The following CAB39L variants were observed in gnomAD, a reference collection of about 807,000 sequenced individuals.
CAB39L encodes calcium-binding protein 39-like.
A neutral mutation model predicts 39.1 loss-of-function variants in CAB39L; 23 were observed. The observed-to-expected ratio is 0.59, with a 90% CI of 0.42 to 0.83. The LOEUF (loss-of-function observed/expected upper bound fraction) is 0.83, where lower values mean the gene tolerates loss of function less well. CAB39L is among the 40% of genes least tolerant of loss of function. The probability of loss-of-function intolerance (pLI) is 0.00; values close to 1 mark genes in which losing one functional copy is unlikely to be tolerated. For synonymous variants in CAB39L, 126 were observed against 137.2 expected, an observed-to-expected ratio of 0.92 and a Z score of 0.57; for missense variants, 366 against 391.9, an observed-to-expected ratio of 0.93 and a Z score of 0.56.
At chr13:49,392,138 GTATT>G (rs796515172) in intron 3 of CAB39L, among the ~76,000 whole-genome samples, 4 of 152,088 alleles carry the variant, frequency 2.6e-5, no homozygotes, top group African/African-American at 9.6e-5. Context: ...TTTAATATAT[GTATT>G]TAGTTGTCAT....
rs554043920 is a variant in CAB39L at position 49,316,972 on chromosome 13, G to T, written c.835-5979C>A. On this transcript the variant is annotated intron_variant, in intron 10 of 10. Transcript: ENST00000409308. Reference sequence around the variant, plus strand: ...CACCAAGGACCTCTGGCAACCACCAGAAGCTGGGAGAGAAGCAAGGAAGAT... The same window carrying T: ...CACCAAGGACCTCTGGCAACCACCATAAGCTGGGAGAGAAGCAAGGAAGAT... 1.2e-4 allele frequency among the ~76,000 whole-genome samples: 19 copies of T among 152,294 alleles called. 1 individual carries two copies. The South Asian group carries it at 2.9e-3, about 23-fold the overall frequency.
In CAB39L at chr13:49,309,038, A is replaced by G. The variant is rs898280134; in HGVS notation, c.*1776T>C. 5.3e-5 allele frequency: 8 copies of G among 152,284 alleles called. No individual in the cohort carries two copies. Among genetic ancestry groups the G allele is most frequent in the South Asian group, 2.1e-4 (1 of 4,810 alleles). The allele number at this position is 152,284 out of a possible 1,614,324, so 9.4% of individuals were successfully genotyped here. Reference sequence around the variant, plus strand: ...TATTAAGTAACCAAATACAATTCCAATGGTTATTTCACCTTCATTTTTTAT... The same window carrying G: ...TATTAAGTAACCAAATACAATTCCAGTGGTTATTTCACCTTCATTTTTTAT... On this transcript the variant is annotated 3_prime_UTR_variant, in exon 11 of 11. Transcript: ENST00000409308.
chr13:49,398,657 A>G (rs1027352651), intron 3 of CAB39L, among the ~76,000 whole-genome samples: 2 of 152,094 alleles, frequency 1.3e-5, no homozygotes, highest in Admixed American at 6.5e-5. Flanking sequence ...TGTATTGTTT[A>G]TTTCATTATT....
intron 3 of CAB39L, among the ~76,000 whole-genome samples, chr13:49,407,845 T>C (rs941802035): frequency 2.7e-5 from 3 of 109,118 alleles, no homozygotes; most frequent in Non-Finnish European, 5.4e-5. Flanking sequence ...CTGAGCAACA[T>C]AGCAAGACCC....
At chr13:49,429,559 C>T (rs1957288874) in intron 3 of CAB39L, among the ~76,000 whole-genome samples, 1 of 151,944 alleles carries the variant, frequency 6.6e-6, no homozygotes, top group African/African-American at 2.4e-5. Context: ...GAAAAAATAC[C>T]ACAAATTGGC....
At chr13:49,346,774 G>C (rs566182811) in intron 7 of CAB39L, among the ~76,000 whole-genome samples, 5 of 152,230 alleles carry the variant, frequency 3.3e-5, no homozygotes, top group Admixed American at 1.3e-4. Context: ...AAACTCAAAG[G>C]TTAACTAAAT....
intron 9 of CAB39L, among the ~76,000 whole-genome samples, chr13:49,334,397 T>C (rs1258111354): frequency 6.6e-6 from 1 of 152,220 alleles, no homozygotes; most frequent in Non-Finnish European, 1.5e-5. Flanking sequence ...TCATTTCTCC[T>C]GCTTCCTTTC....
At position 49,310,665 on chromosome 13, in the gene CAB39L, A is replaced by G; in HGVS notation, c.*149T>C. 1.5e-6 allele frequency: 1 copy of G among 649,254 alleles called. No homozygotes were observed. Among genetic ancestry groups the G allele is most frequent in the South Asian group, 3.2e-5 (1 of 31,240 alleles). 40.2% of individuals were successfully genotyped at this position (649,254 alleles called of 1,614,324 possible). On this transcript the variant is annotated 3_prime_UTR_variant, in exon 11 of 11. Coordinates refer to ENST00000409308, the MANE Select transcript of CAB39L (RefSeq NM_001079670.3). Reference sequence around the variant, plus strand: ...ATTCTAGGTTAATTTTTTTCCATTCAAATGTTTATACTCCATCTACCCAGA... The same window carrying G: ...ATTCTAGGTTAATTTTTTTCCATTCGAATGTTTATACTCCATCTACCCAGA...
At chr13:49,415,522 GA>G (rs59889553) in intron 3 of CAB39L, among the ~76,000 whole-genome samples, 7,297 of 149,056 alleles carry the variant, frequency 0.049, 351 homozygotes, top group East Asian at 0.22. Flanking sequence ...CTCTGTCTTG[GA>G]AAAAAAAAAA....
intron 2 of CAB39L, among the ~76,000 whole-genome samples, chr13:49,433,790 C>T (rs781179780): frequency 2.6e-5 from 4 of 152,188 alleles, no homozygotes; most frequent in Non-Finnish European, 5.9e-5. Context: ...CTGAAGGATG[C>T]TTTCTTCCCC....
At chr13:49,433,506 C>T (rs1437757880) in intron 2 of CAB39L, 113 bp from the exon 3 acceptor site, 1 of 376,700 alleles carries the variant, frequency 2.7e-6, no homozygotes, top group Non-Finnish European at 5.1e-6. Flanking sequence ...CCATCATAAT[C>T]AAATACTAAT....
rs114943580 is a variant in CAB39L, at chr13:49,364,557, A to G, written c.277-4725T>C. 7.1e-3 allele frequency among the ~76,000 whole-genome samples: 1,079 copies of G among 152,334 alleles called. 17 individuals are homozygous for G. Among genetic ancestry groups the G allele is most frequent in the African/African-American group, 0.025 (1,047 of 41,584 alleles). Reference sequence around the variant, plus strand: ...TTTGGAAAAAACTAAAGACTCCACAAAAAAACTATTAGAATTGATGAACAA... The same window carrying G: ...TTTGGAAAAAACTAAAGACTCCACAGAAAAACTATTAGAATTGATGAACAA... On this transcript the variant is annotated intron_variant, in intron 5 of 10. Coordinates refer to ENST00000409308, the MANE Select transcript of CAB39L (RefSeq NM_001079670.3).
intron 3 of CAB39L, among the ~76,000 whole-genome samples, chr13:49,432,511 T>C (rs898352409): frequency 6.6e-6 from 1 of 152,222 alleles, no homozygotes; most frequent in Non-Finnish European, 1.5e-5. Context: ...TTGTTTGCTG[T>C]TTCTGCTGAC....
intron 5 of CAB39L, 47 bp downstream of exon 5, chr13:49,376,920 T>TAGATAGATAGATAGAG: frequency 1.4e-6 from 2 of 1,440,576 alleles, no homozygotes; most frequent in South Asian, 2.7e-5. Context: ...GATAGATAGA[T>TAGATAGATAGATAGAG]ATTAAAATTG....
chr13:49,428,831 T>G (rs1394866735), intron 3 of CAB39L, among the ~76,000 whole-genome samples: 1 of 58,212 alleles, frequency 1.7e-5, no homozygotes, highest in Admixed American at 1.7e-4. Flanking sequence ...TGGTATGACT[T>G]TTGCATAGAC....
intron 3 of CAB39L, among the ~76,000 whole-genome samples, chr13:49,386,465 T>C (rs1042340125): frequency 3.3e-5 from 5 of 152,082 alleles, no homozygotes; most frequent in Admixed American, 2.0e-4. Flanking sequence ...TATTATTAAG[T>C]GGAAAAAGCA....
At chr13:49,349,825 C>T (rs557001786) in intron 7 of CAB39L, among the ~76,000 whole-genome samples, 1 of 152,078 alleles carries the variant, frequency 6.6e-6, no homozygotes, top group Admixed American at 6.5e-5. Flanking sequence ...ACATTGATAC[C>T]AACTTCAAAA....
At chr13:49,319,856 A>C (rs916724426) in intron 10 of CAB39L, among the ~76,000 whole-genome samples, 13 of 151,990 alleles carry the variant, frequency 8.6e-5, no homozygotes, top group African/African-American at 2.9e-4. Flanking sequence ...AAGATTAACT[A>C]TAATAGACAA....
chr13:49,412,300 A>G (rs929089237), intron 3 of CAB39L, among the ~76,000 whole-genome samples: 1 of 152,176 alleles, frequency 6.6e-6, no homozygotes, highest in African/African-American at 2.4e-5. Context: ...CTTGGAAAAA[A>G]AGCCATAAAG....
Sources: allele counts gnomAD v4.1 joint callset (sites outside exome capture counted in the v4.1 genomes callset), GRCh38; gene constraint gnomAD v4.1.1; transcripts MANE v1.5; gene names NCBI Gene and HGNC (gene_info 2026-07-23, HGNC 2026-07-21).